The following KDM2B variants were observed in gnomAD, a reference collection of about 807,000 sequenced individuals.
KDM2B encodes the protein lysine demethylase 2B.
Under a neutral mutation model 150.0 loss-of-function variants are expected in KDM2B, and 26 were observed. That is an observed-to-expected ratio of 0.17 (90% CI 0.13 to 0.24). KDM2B has a LOEUF of 0.24. KDM2B is among the 10% of genes least tolerant of loss of function. The probability of loss-of-function intolerance (pLI) is 1.00; values close to 1 mark genes in which losing one functional copy is unlikely to be tolerated. For missense variants in KDM2B, 1,265 were observed against 1,816.9 expected, an observed-to-expected ratio of 0.70 and a Z score of 5.52; for synonymous variants, 734 against 729.5, an observed-to-expected ratio of 1.01 and a Z score of -0.10.
the KDM2B span, among the ~76,000 whole-genome samples, chr12:121,410,445 G>A: frequency 0.012 from 1,886 of 151,564 alleles, 47 homozygotes; most frequent in African/African-American, 0.043. Context: ...GCTGAAGCAG[G>A]AGAATTGCTT....
chr12:121,498,210 C>A (rs563613325), intron 11 of KDM2B, among the ~76,000 whole-genome samples: 11 of 152,294 alleles, frequency 7.2e-5, no homozygotes, highest in Admixed American at 1.3e-4. Context: ...CCCATTCCCC[C>A]CTGCATGTGG....
At chr12:121,541,660 C>T (rs1038225598) in intron 6 of KDM2B, among the ~76,000 whole-genome samples, 1 of 152,034 alleles carries the variant, frequency 6.6e-6, no homozygotes, top group Non-Finnish European at 1.5e-5. Flanking sequence ...CCTCCTGCCA[C>T]CCCCAGAAAG....
chr12:121,560,101 C>T (rs28376585), intron 4 of KDM2B, among the ~76,000 whole-genome samples: 37,771 of 151,926 alleles, frequency 0.25, 5,759 homozygotes, highest in South Asian at 0.38. Context: ...ACCTGTTGGG[C>T]TCAAGCGATC....
chr12:121,467,424 C>G lies in KDM2B; in HGVS notation c.1735-14080G>C, dbSNP rs1880201393. On this transcript the variant is annotated intron_variant, in intron 12 of 22. Transcript: ENST00000377071. This position sits in a 1 kb window ranked among gnomAD's most constrained non-coding sequence, Gnocchi z 5.1. ...GGCGGGGGAGGGCCGGGGCGCCATG[C>G]ATATGCATGAGGCGAGCCAGGAAGG... 1.2e-6 allele frequency: 1 copy of G among 858,718 alleles called. No individual in the cohort carries two copies. The highest frequency in any genetic ancestry group is 1.8e-5 in the African/African-American group (1 of 54,236). 53.2% of individuals were successfully genotyped at this position (858,718 alleles called of 1,614,324 possible).
At chr12:121,570,686 T>G (rs113371110) in intron 4 of KDM2B, among the ~76,000 whole-genome samples, 4,740 of 152,190 alleles carry the variant, frequency 0.031, 266 homozygotes, top group African/African-American at 0.11. Flanking sequence ...TTAACAAGGA[T>G]GTAGGGAAAC....
intron 12 of KDM2B, among the ~76,000 whole-genome samples, chr12:121,459,084 CAAAAA>C (rs60165748): frequency 2.0e-5 from 2 of 102,406 alleles, no homozygotes; most frequent in Admixed American, 1.0e-4. Flanking sequence ...GACTCTGCCT[CAAAAA>C]AAAAAAAAAA....
intron 9 of KDM2B, chr12:121,516,908 A>T: frequency 1.5e-6 from 1 of 663,888 alleles, no homozygotes; most frequent in Non-Finnish European, 2.7e-6. Context: ...AAAAAAGTCC[A>T]ATGGTAGGGG....
chr12:121,570,846 G>C (rs961564121), intron 4 of KDM2B, among the ~76,000 whole-genome samples: 2 of 152,274 alleles, frequency 1.3e-5, no homozygotes, highest in Non-Finnish European at 2.9e-5. Context: ...GAAGATGCAT[G>C]TTCAACAAAA....
chr12:121,428,856 CT>C (rs1872651382), downstream of KDM2B, among the ~76,000 whole-genome samples: 1 of 152,186 alleles, frequency 6.6e-6, no homozygotes, highest in Non-Finnish European at 1.5e-5. Context: ...ATCTGGCGAA[CT>C]TTTAGGCAAT....
chr12:121,467,129 CT>C lies in KDM2B; in HGVS notation c.1735-13786del. 9.0e-7 allele frequency: 1 copy of C among 1,117,052 alleles called. No homozygotes were observed. The allele number at this position is 1,117,052 out of a possible 1,614,324, so 69.2% of individuals were successfully genotyped here. A position where few individuals can be genotyped will look rare whatever the true frequency, so the allele number is the denominator to read the frequency against. ...GGTCGGGAGGTCGTGCGGCGGGTCC[CT>C]CCCTCAGCCCCACCCCGGGCCGCCG... is the stretch of plus-strand genomic sequence containing the variant. On this transcript the variant is annotated intron_variant, in intron 12 of 22. Coordinates refer to ENST00000377071, the MANE Select transcript of KDM2B (RefSeq NM_032590.5). The surrounding 1 kb of genome is among the most constrained non-coding windows in gnomAD (Gnocchi z 5.1).
At position 121,467,481 on chromosome 12, in the gene KDM2B, G is replaced by C; in HGVS notation, c.1735-14137C>G. Reference sequence around the variant, plus strand: ...CCCCCCGGGCGGGCGGGCCAATGGCGCGGCCGCGGCGCTGGGGCCGCACAC... The same window carrying C: ...CCCCCCGGGCGGGCGGGCCAATGGCCCGGCCGCGGCGCTGGGGCCGCACAC... On this transcript the variant is annotated intron_variant, in intron 12 of 22. Transcript: ENST00000377071. This position sits in a 1 kb window ranked among gnomAD's most constrained non-coding sequence, Gnocchi z 5.1. 2.6e-6 allele frequency: 1 copy of C among 378,370 alleles called. No individual in the cohort carries two copies. The highest frequency in any genetic ancestry group is 3.6e-6 in the Non-Finnish European group (1 of 277,516). 23.4% of individuals were successfully genotyped at this position (378,370 alleles called of 1,614,324 possible).
chr12:121,441,383 CCCCA>C, intron 19 of KDM2B, 150 bp from the exon 20 acceptor site: 1 of 675,760 alleles, frequency 1.5e-6, no homozygotes, highest in Non-Finnish European at 2.4e-6. Flanking sequence ...CCTATCCTGC[CCCCA>C]CGCGGGCACC....
intron 4 of KDM2B, among the ~76,000 whole-genome samples, chr12:121,564,812 CT>C (rs59741784): frequency 1.5e-4 from 22 of 149,782 alleles, no homozygotes; most frequent in African/African-American, 3.7e-4. Context: ...ACAAGGCAAT[CT>C]TTTTTTTTTC....
At chr12:121,580,252 T>TG (rs375094381) in intron 1 of KDM2B, 8,593 of 837,122 alleles carry the variant, frequency 0.01, 171 homozygotes, top group African/African-American at 0.096. Flanking sequence ...TCAGCAGTTG[T>TG]GGGGGGGGGG....
At chr12:121,423,527 C>CCGG in the KDM2B span, 1 of 1,614,146 alleles carries the variant, frequency 6.2e-7, no homozygotes, top group Non-Finnish European at 8.5e-7. This position sits in a 1 kb window ranked among gnomAD's most constrained non-coding sequence, Gnocchi z 4.3. Context: ...AGTGAGTGTC[C>CCGG]CATCTGCCGG....
chr12:121,555,193 A>C (rs1215104213), intron 4 of KDM2B, among the ~76,000 whole-genome samples: 1 of 152,290 alleles, frequency 6.6e-6, no homozygotes, highest in East Asian at 1.9e-4. Flanking sequence ...AAATTTTAAA[A>C]AACAGTAGAT....
At position 121,452,339 on chromosome 12, in the gene KDM2B, T is replaced by C. The variant is rs1464959274; in HGVS notation, c.1959+781A>G. Among the ~76,000 whole-genome samples, 1 of 152,206 alleles carries C rather than the reference T, an allele frequency of 6.6e-6. No homozygotes were observed. Among genetic ancestry groups the C allele is most frequent in the Non-Finnish European group, 1.5e-5 (1 of 68,036 alleles). ...CACAAGAAATATGCGTGGAAGGAGA[T>C]GGCTGAGGTGTCTGGGCCTGCGGGG... On this transcript the variant is annotated intron_variant, in intron 13 of 22. Transcript: ENST00000377071. This position sits in a 1 kb window ranked among gnomAD's most constrained non-coding sequence, Gnocchi z 4.4.
chr12:121,445,141 A>T, intron 14 of KDM2B, 134 bp downstream of exon 14: 1 of 1,061,390 alleles, frequency 9.4e-7, no homozygotes, highest in South Asian at 1.5e-5. Flanking sequence ...ATCCCTTGAC[A>T]CACAGGATCA....
chr12:121,494,381 G>A (rs1161514501), intron 12 of KDM2B, 198 bp downstream of exon 12: 6 of 527,128 alleles, frequency 1.1e-5, no homozygotes, highest in South Asian at 4.5e-5. Flanking sequence ...GGCACTGTTC[G>A]CAGTTCCCAC....
Sources: allele counts gnomAD v4.1 joint callset (sites outside exome capture counted in the v4.1 genomes callset), GRCh38; gene constraint gnomAD v4.1.1; non-coding constraint Gnocchi (gnomAD v3.1); transcripts MANE v1.5; gene names NCBI Gene and HGNC (gene_info 2026-07-23, HGNC 2026-07-21).